Variants in SMARCC1 observed in about 807,000 individuals in gnomAD.
SMARCC1 encodes the protein SWI/SNF complex subunit SMARCC1.
In SMARCC1, 43 loss-of-function variants were observed where a neutral mutation model predicts 147.4. The observed-to-expected ratio is 0.29, with a 90% confidence interval of 0.23 to 0.38. The LOEUF is 0.38. SMARCC1 is among the 10% of genes least tolerant of loss of function. The pLI, the probability that SMARCC1 is intolerant of heterozygous loss-of-function variation, is 1.00. For synonymous variants in SMARCC1, 495 were observed against 484.4 expected (o/e 1.02, Z -0.29); for missense variants, 1,119 against 1,381.1 (o/e 0.81, Z 3.01).
At chr3:47,714,298 G>T in intron 8 of SMARCC1, 117 bp downstream of exon 8, 1 of 656,752 alleles carries the variant, frequency 1.5e-6, no homozygotes, top group South Asian at 1.8e-5. Context: ...CGGAGGCGGA[G>T]GTTGCAGTAA....
intron 2 of SMARCC1, among the ~76,000 whole-genome samples, chr3:47,767,381 C>T (rs1479262529): frequency 2.7e-5 from 4 of 146,574 alleles, no homozygotes; most frequent in Admixed American, 6.8e-5. Context: ...GCTGGGATTA[C>T]AGGCATGTAC....
intron 25 of SMARCC1, among the ~76,000 whole-genome samples, chr3:47,618,387 A>T (rs2032676915): frequency 6.6e-6 from 1 of 151,598 alleles, no homozygotes; most frequent in South Asian, 2.1e-4. Flanking sequence ...ATTTAAAAAA[A>T]AAAAAAAAAT....
intron 24 of SMARCC1, among the ~76,000 whole-genome samples, chr3:47,627,657 T>C (rs1236397994): frequency 1.3e-5 from 2 of 152,138 alleles, no homozygotes; most frequent in Non-Finnish European, 2.9e-5. Context: ...GTATTTATAG[T>C]AGGACTTCTA....
intron 18 of SMARCC1, among the ~76,000 whole-genome samples, chr3:47,672,086 A>C (rs531599405): frequency 3.6e-4 from 55 of 152,392 alleles, no homozygotes; most frequent in African/African-American, 1.3e-3. Context: ...TAGTCTTTGA[A>C]CTAAAGAATA....
intron 21 of SMARCC1, among the ~76,000 whole-genome samples, chr3:47,652,949 CTTTTTTTTT>C (rs55872948): frequency 1.5e-5 from 2 of 129,658 alleles, no homozygotes; most frequent in East Asian, 4.4e-4. Context: ...GCTTTACTTT[CTTTTTTTTT>C]TTTTTTTTTG....
chr3:47,714,636 A>G, intron 7 of SMARCC1, 146 bp from the exon 8 acceptor site: 1 of 568,010 alleles, frequency 1.8e-6, no homozygotes. Context: ...CTACCAAAAA[A>G]TACAAAAATT....
At chr3:47,693,176 T>A (rs2033810724) in intron 12 of SMARCC1, 65 bp downstream of exon 12, 1 of 933,778 alleles carries the variant, frequency 1.1e-6, no homozygotes, top group Non-Finnish European at 1.8e-6. Context: ...AAGAATAGAC[T>A]ATCAAAGGAG....
At chr3:47,665,005 T>TTC (rs1215030619) in intron 19 of SMARCC1, among the ~76,000 whole-genome samples, 1 of 152,118 alleles carries the variant, frequency 6.6e-6, no homozygotes, top group Non-Finnish European at 1.5e-5. Flanking sequence ...GATTTTTTTT[T>TTC]CTTAATTTTT....
At chr3:47,663,709 A>G (rs1225054801) in intron 19 of SMARCC1, 2 of 1,496,958 alleles carry the variant, frequency 1.3e-6, no homozygotes, top group Non-Finnish European at 1.9e-6. Flanking sequence ...ACAGGAATCC[A>G]GAGAGTTTCA....
intron 10 of SMARCC1, among the ~76,000 whole-genome samples, chr3:47,704,712 T>G (rs577883502): frequency 6.6e-6 from 1 of 150,896 alleles, no homozygotes; most frequent in Non-Finnish European, 1.5e-5. Context: ...AGACCAGGAG[T>G]TGGAGACCAG....
At chr3:47,755,446 G>A (rs1444384430) in intron 2 of SMARCC1, among the ~76,000 whole-genome samples, 7 of 145,996 alleles carry the variant, frequency 4.8e-5, no homozygotes, top group Non-Finnish European at 9.0e-5. Context: ...GCAGTGAGCT[G>A]AGATCGCGCC....
At chr3:47,636,961 T>A (rs1219130728) in intron 22 of SMARCC1, among the ~76,000 whole-genome samples, 1 of 152,196 alleles carries the variant, frequency 6.6e-6, no homozygotes, top group Non-Finnish European at 1.5e-5. Flanking sequence ...CATCTGCTAA[T>A]AATTTCAGGA....
chr3:47,762,594 CCAAATCACGTAA>C (rs1181095046), intron 2 of SMARCC1, among the ~76,000 whole-genome samples: 1 of 152,206 alleles, frequency 6.6e-6, no homozygotes, highest in African/African-American at 2.4e-5. Flanking sequence ...AGGTGTTCCA[CCAAATCACGTAA>C]CAATTGAAAA....
intron 21 of SMARCC1, among the ~76,000 whole-genome samples, chr3:47,643,023 G>A (rs2033069614): frequency 6.6e-6 from 1 of 152,150 alleles, no homozygotes; most frequent in South Asian, 2.1e-4. Context: ...TTCAGTTTAG[G>A]TGGCAGAGCG....
At chr3:47,591,257 T>C (rs1028395534) in intron 26 of SMARCC1, among the ~76,000 whole-genome samples, 1 of 152,098 alleles carries the variant, frequency 6.6e-6, no homozygotes, top group African/African-American at 2.4e-5. Flanking sequence ...AGGACCACAA[T>C]TCAGTCCAGA....
intron 25 of SMARCC1, among the ~76,000 whole-genome samples, chr3:47,614,930 T>C (rs2032617316): frequency 6.6e-6 from 1 of 152,200 alleles, no homozygotes; most frequent in African/African-American, 2.4e-5. Flanking sequence ...CTAACTCCCT[T>C]GACTCATTTA....
chr3:47,757,490 C>T (rs1455419800), intron 2 of SMARCC1, among the ~76,000 whole-genome samples: 3 of 151,856 alleles, frequency 2.0e-5, no homozygotes, highest in East Asian at 1.9e-4. Flanking sequence ...AAAATCAGAA[C>T]GCTCAGCCAG....
intron 1 of SMARCC1, among the ~76,000 whole-genome samples, chr3:47,781,216 T>C (rs1388707044): frequency 6.6e-6 from 1 of 152,196 alleles, no homozygotes; most frequent in Non-Finnish European, 1.5e-5. Flanking sequence ...CCTCGAGACT[T>C]TGAATACGCT....
intron 18 of SMARCC1, among the ~76,000 whole-genome samples, chr3:47,673,885 T>C (rs937585942): frequency 6.6e-6 from 1 of 152,194 alleles, no homozygotes; most frequent in African/African-American, 2.4e-5. Context: ...TCTGTAACCA[T>C]AGGTTAGTTT....
Sources: gnomAD v4.1 joint callset for allele counts (sites outside exome capture counted in the v4.1 genomes callset) on GRCh38, gnomAD v4.1.1 for gene constraint, MANE v1.5 for transcripts, NCBI Gene and HGNC (gene_info 2026-07-23, HGNC 2026-07-21) for gene names.